Variants in CFTR observed in about 807,000 individuals in gnomAD.
CFTR encodes CF transmembrane conductance regulator.
A neutral mutation model predicts 171.6 loss-of-function variants in CFTR; 181 were observed. That is an observed-to-expected ratio of 1.05 (90% CI 0.93 to 1.19). The LOEUF (loss-of-function observed/expected upper bound fraction) is 1.19. CFTR is among the 50% of genes most tolerant of loss of function. The probability of loss-of-function intolerance (pLI) is 0.00; values close to 1 mark genes in which losing one functional copy is unlikely to be tolerated. For missense variants in CFTR, 1,968 were observed against 1,734.7 expected (o/e 1.13, Z -2.39); for synonymous variants, 583 against 608.0 (o/e 0.96, Z 0.60).
At chr7:117,664,354 T>G (rs1793334067) in intron 24 of CFTR, among the ~76,000 whole-genome samples, 1 of 152,212 alleles carries the variant, frequency 6.6e-6, no homozygotes, top group African/African-American at 2.4e-5. Flanking sequence ...GAATAATTTA[T>G]GTACACCTTT....
At chr7:117,507,709 G>A (rs187429394) in intron 2 of CFTR, among the ~76,000 whole-genome samples, 1 of 152,306 alleles carries the variant, frequency 6.6e-6, no homozygotes, top group African/African-American at 2.4e-5. Context: ...AAGCTTCTAG[G>A]GGATGCCAAG....
At chr7:117,638,050 G>T (rs994878565) in intron 22 of CFTR, among the ~76,000 whole-genome samples, 6 of 152,100 alleles carry the variant, frequency 3.9e-5, no homozygotes, top group Admixed American at 3.9e-4. Flanking sequence ...CATGCACACT[G>T]AATCTCCAGC....
chr7:117,605,943 T>C (rs1792293332), intron 17 of CFTR, among the ~76,000 whole-genome samples: 1 of 152,214 alleles, frequency 6.6e-6, no homozygotes, highest in South Asian at 2.1e-4. Flanking sequence ...ACATTTTATC[T>C]AATTGTTTGT....
chr7:117,501,747 C>CAAAAA (rs1212853305), intron 1 of CFTR, among the ~76,000 whole-genome samples: 26 of 43,810 alleles, frequency 5.9e-4, no homozygotes, highest in Non-Finnish European at 9.1e-4. Flanking sequence ...AACTCTGTCT[C>CAAAAA]AAAAAAAAAA....
At chr7:117,509,476 G>A (rs1456814982) in intron 3 of CFTR, among the ~76,000 whole-genome samples, 2 of 152,098 alleles carry the variant, frequency 1.3e-5, no homozygotes, top group Admixed American at 1.3e-4. Flanking sequence ...TTCAACAGGA[G>A]AGTGTCAGGA....
chr7:117,558,608 TCTG>T (rs769524682), intron 10 of CFTR, among the ~76,000 whole-genome samples: 26 of 150,436 alleles, frequency 1.7e-4, no homozygotes, highest in South Asian at 6.4e-4. Flanking sequence ...TTTTTCTTCC[TCTG>T]CTACCTCCTT....
rs1239145282 is a variant in CFTR, at chr7:117,502,061, G to GTTTTT, written c.54-2191_54-2187dup. On this transcript the variant is annotated intron_variant, in intron 1 of 26. Coordinates refer to ENST00000003084, the MANE Select transcript of CFTR (RefSeq NM_000492.4). ...TGGCAAATGCCGTAAGTCAGTTTTT[G>GTTTTT]TTTTTGTTTTTGTTTTCCGGAGAGG... Among the ~76,000 whole-genome samples, 4 of 152,216 alleles carry GTTTTT rather than the reference G, an allele frequency of 2.6e-5. No individual in the cohort carries two copies. The East Asian group carries it at 5.8e-4, about 22-fold the overall frequency.
chr7:117,544,930 C>T (rs1799114626), intron 9 of CFTR, among the ~76,000 whole-genome samples: 1 of 152,218 alleles, frequency 6.6e-6, no homozygotes, highest in Non-Finnish European at 1.5e-5. Flanking sequence ...GGCCTCAGAC[C>T]ATGACTTCTA....
intron 1 of CFTR, among the ~76,000 whole-genome samples, chr7:117,481,636 T>A (rs553495944): frequency 6.8e-4 from 103 of 152,316 alleles, no homozygotes; most frequent in Non-Finnish European, 1.1e-3. Context: ...GCATACTCAT[T>A]TCTGTTCTCC....
chr7:117,505,035 T>G (rs1798392378), intron 2 of CFTR, among the ~76,000 whole-genome samples: 1 of 152,204 alleles, frequency 6.6e-6, no homozygotes, highest in Admixed American at 6.5e-5. Context: ...CTTAAGGTAA[T>G]GGCTACTGGT....
At chr7:117,568,808 C>T (rs1791643134) in intron 11 of CFTR, among the ~76,000 whole-genome samples, 1 of 152,114 alleles carries the variant, frequency 6.6e-6, no homozygotes, top group African/African-American at 2.4e-5. Flanking sequence ...ACATTTGTTA[C>T]CAACTATAGT....
chr7:117,546,325 G>A (rs953649078), intron 9 of CFTR, among the ~76,000 whole-genome samples: 1 of 151,976 alleles, frequency 6.6e-6, no homozygotes, highest in Non-Finnish European at 1.5e-5. Flanking sequence ...TGTAGAGACA[G>A]GGTCTCACTA....
chr7:117,485,914 T>C (rs1185644705), intron 1 of CFTR, among the ~76,000 whole-genome samples: 4 of 152,176 alleles, frequency 2.6e-5, no homozygotes, highest in Non-Finnish European at 4.4e-5. Flanking sequence ...TTTTTTGTGA[T>C]GTTAATGAGT....
rs776797377 is a variant in CFTR, at chr7:117,504,293, C to A, written c.94C>A (p.Leu32Met). ...TTTGAGGAAAGGATACAGACAGCGC[C>A]TGGAATTGTCAGACATATACCAAAT... ...PILRKGYRQR[L>M]ELSDIYQIPS... The change falls in exon 2 of 27, where the codon CTG becomes ATG. Residue 32 changes from leucine (L) to methionine (M), a missense_variant. Leu to Met is a conservative substitution (Grantham distance 15, BLOSUM62 2). Coordinates refer to ENST00000003084, the MANE Select transcript of CFTR (RefSeq NM_000492.4). The A allele has an allele frequency of 1.9e-6, 3 of 1,612,952 alleles. No individual in the cohort carries two copies. Among genetic ancestry groups the A allele is most frequent in the South Asian group, 2.2e-5 (2 of 91,042 alleles).
chr7:117,508,953 A>T (rs570593473), intron 2 of CFTR, 81 bp from the exon 3 acceptor site: 2 of 902,388 alleles, frequency 2.2e-6, no homozygotes, highest in Admixed American at 3.4e-5. Context: ...ACTTGTGTGA[A>T]TCAAACTATG....
chr7:117,590,918 A>G (rs1792015683), intron 13 of CFTR, among the ~76,000 whole-genome samples: 1 of 152,028 alleles, frequency 6.6e-6, no homozygotes, highest in South Asian at 2.1e-4. Flanking sequence ...TCAGTCACAC[A>G]GAGCTCAGGA....
At chr7:117,645,655 C>T (rs1792986545) in intron 23 of CFTR, among the ~76,000 whole-genome samples, 1 of 151,944 alleles carries the variant, frequency 6.6e-6, no homozygotes, top group East Asian at 1.9e-4. Flanking sequence ...TTCAAAGCAA[C>T]ATTAACATTG....
intron 9 of CFTR, among the ~76,000 whole-genome samples, chr7:117,542,352 G>T (rs1799069543): frequency 1.3e-5 from 2 of 152,096 alleles, no homozygotes; most frequent in African/African-American, 4.8e-5. Flanking sequence ...TTCAAGACCA[G>T]CCTGGCCAAC....
intron 15 of CFTR, among the ~76,000 whole-genome samples, chr7:117,597,006 T>C (rs1562909698): frequency 1.3e-5 from 2 of 152,264 alleles, no homozygotes; most frequent in East Asian, 1.9e-4. Flanking sequence ...CAATCTGCTG[T>C]CTGTAAAATG....
Sources: allele counts gnomAD v4.1 joint callset (sites outside exome capture counted in the v4.1 genomes callset), GRCh38; gene constraint gnomAD v4.1.1; transcripts MANE v1.5; gene names NCBI Gene and HGNC (gene_info 2026-07-23, HGNC 2026-07-21).